The following NDUFC2 variants were observed in gnomAD, a reference collection of about 807,000 sequenced individuals.
NDUFC2 encodes the protein NADH dehydrogenase [ubiquinone] 1 subunit C2.
Under a neutral mutation model 10.1 loss-of-function variants are expected in NDUFC2, and 2 were observed. That is an observed-to-expected ratio of 0.20 (90% CI 0.08 to 0.62). The LOEUF is 0.62. Among genes scored for constraint, NDUFC2 ranks in the 20% least tolerant of loss-of-function variants. NDUFC2 has a pLI of 0.87. For synonymous variants in NDUFC2, 61 were observed against 63.6 expected, an observed-to-expected ratio of 0.96 and a Z score of 0.20; for missense variants, 156 against 159.6, an observed-to-expected ratio of 0.98 and a Z score of 0.12.
At chr11:78,072,306 T>C (rs573627890) in intron 2 of NDUFC2, among the ~76,000 whole-genome samples, 15 of 152,206 alleles carry the variant, frequency 9.9e-5, no homozygotes, top group Non-Finnish European at 2.2e-4. Context: ...GCCTCCCAAG[T>C]AGCTGGGCTT....
At chr11:78,078,728 C>CATTTTTTTTTTTTTTTTTT (rs1859357363) in intron 1 of NDUFC2, among the ~76,000 whole-genome samples, 1 of 61,642 alleles carries the variant, frequency 1.6e-5, no homozygotes, top group African/African-American at 6.2e-5. Flanking sequence ...TCAGGATCCG[C>CATTTTTTTTTTTTTTTTTT]TTTTTTTTTT....
chr11:78,073,029 C>A lies in NDUFC2; in HGVS notation c.279G>T (p.Met93Ile), dbSNP rs779247745. Residue 93 changes from methionine to isoleucine, a missense_variant, in exon 2 of 3, where the codon ATG (methionine) becomes ATT (isoleucine). Coordinates refer to ENST00000281031, the MANE Select transcript of NDUFC2 (RefSeq NM_004549.6). Reference protein sequence around the residue: ...AVRDREMFGYMKLHPEDFPEE... With the variant: ...AVRDREMFGYIKLHPEDFPEE... ...CAGGAAAATCCTCTGGATGTAATTT[C>A]ATATATCCAAACATTTCACGGTCCC... is the stretch of plus-strand genomic sequence containing the variant. The A allele has an allele frequency of 1.2e-5, 20 of 1,613,478 alleles. No individual in the cohort carries two copies. The highest frequency in any genetic ancestry group is 1.6e-5 in the Non-Finnish European group (19 of 1,179,934).
intron 1 of NDUFC2, among the ~76,000 whole-genome samples, chr11:78,074,621 A>G (rs571583090): frequency 7.9e-5 from 12 of 152,278 alleles, no homozygotes; most frequent in African/African-American, 2.9e-4. Flanking sequence ...TCAAAAAAAA[A>G]AACAAAAAAA....
chr11:78,073,445 T>C (rs879667615), intron 1 of NDUFC2, among the ~76,000 whole-genome samples: 22 of 151,906 alleles, frequency 1.4e-4, no homozygotes, highest in Admixed American at 5.9e-4. Flanking sequence ...TAAGCTGATA[T>C]TGCGCCATTG....
chr11:78,070,581 T>G (rs113188821), intron 2 of NDUFC2, among the ~76,000 whole-genome samples: 10,651 of 152,282 alleles, frequency 0.07, 1,221 homozygotes, highest in African/African-American at 0.24. Context: ...TTCTTGTCCT[T>G]GACTATGGCT....
rs774888505 is a variant in NDUFC2, at chr11:78,070,055, T to A, written c.311-19A>T. ...TTCTTATCTATAAAAGGAAAGATCA[T>A]AAAAGATTTATTTTAAAAATATGTT... On this transcript the variant is annotated intron_variant, in intron 2 of 2. Transcript: ENST00000281031. 6.8e-7 allele frequency: 1 copy of A among 1,463,192 alleles called. No individual in the cohort carries two copies. The highest frequency in any genetic ancestry group is 1.2e-5 in the South Asian group (1 of 81,332). 90.6% of individuals were successfully genotyped at this position (1,463,192 alleles called of 1,614,324 possible). A position where few individuals can be genotyped will look rare whatever the true frequency, so the allele number is the denominator to read the frequency against.
At chr11:78,079,234 C>A (rs1488577302) in intron 1 of NDUFC2, among the ~76,000 whole-genome samples, 1 of 152,028 alleles carries the variant, frequency 6.6e-6, no homozygotes, top group East Asian at 1.9e-4. Flanking sequence ...TGTTTTAAGG[C>A]CGAAATGCTA....
In NDUFC2 at chr11:78,069,744, ACT is replaced by A; in HGVS notation, c.*241_*242del. 1.2e-6 allele frequency: 1 copy of A among 845,886 alleles called. No individual in the cohort carries two copies. Among genetic ancestry groups the A allele is most frequent in the South Asian group, 1.8e-5 (1 of 56,832 alleles). The allele number at this position is 845,886 out of a possible 1,614,324, so 52.4% of individuals were successfully genotyped here. A position where few individuals can be genotyped will look rare whatever the true frequency, so the allele number is the denominator to read the frequency against. On this transcript the variant is annotated 3_prime_UTR_variant, in exon 3 of 3. Coordinates refer to ENST00000281031, the MANE Select transcript of NDUFC2 (RefSeq NM_004549.6). The stretch of plus-strand genomic sequence containing the variant: ...TGGGCCAGATTTGGGTAGTCTGCTA[ACT>A]CTAAACTAGAATTCAACCTCATCTT...
At chr11:78,074,666 A>G (rs1229922315) in intron 1 of NDUFC2, among the ~76,000 whole-genome samples, 5 of 152,214 alleles carry the variant, frequency 3.3e-5, no homozygotes, top group Admixed American at 3.3e-4. Flanking sequence ...AGTAGCATAT[A>G]AAACAAGACA....
At chr11:78,070,839 G>C (rs1332148013) in intron 2 of NDUFC2, among the ~76,000 whole-genome samples, 1 of 152,200 alleles carries the variant, frequency 6.6e-6, no homozygotes, top group African/African-American at 2.4e-5. Context: ...CTAATCTGCA[G>C]CTCAGAAAGA....
At chr11:78,073,707 CAGG>C (rs1859117475) in intron 1 of NDUFC2, among the ~76,000 whole-genome samples, 1 of 143,152 alleles carries the variant, frequency 7.0e-6, no homozygotes. Flanking sequence ...GTGGCTGAGG[CAGG>C]AGAATTGTTA....
chr11:78,072,418 T>C (rs1301688841), intron 2 of NDUFC2, among the ~76,000 whole-genome samples: 2 of 152,218 alleles, frequency 1.3e-5, no homozygotes, highest in Admixed American at 6.5e-5. Context: ...CCTCAGGTGA[T>C]CTGCCCCGCT....
chr11:78,071,227 A>C (rs1293022149), intron 2 of NDUFC2, among the ~76,000 whole-genome samples: 1 of 150,426 alleles, frequency 6.6e-6, no homozygotes, highest in Non-Finnish European at 1.5e-5. Flanking sequence ...TAAATGTTTT[A>C]TATCACGCAT....
In NDUFC2 at chr11:78,069,995, T is replaced by C. The variant is rs1376062127; in HGVS notation, c.352A>G (p.Ile118Val). Residue 118 changes from isoleucine (I) to valine (V), a missense_variant, in exon 3 of 3, where the codon ATA (isoleucine) becomes GTA (valine). Transcript: ENST00000281031. ...YGEIFEKFHP[I>V]R ...CAAGCATTTTGAAGACTTCAACGTA[T>C]TGGATGGAATTTTTCAAAAATTTCA... 1 of 1,608,666 alleles carries C rather than the reference T, an allele frequency of 6.2e-7. No individual in the cohort carries two copies. The highest frequency in any genetic ancestry group is 8.5e-7 in the Non-Finnish European group (1 of 1,177,136).
chr11:78,069,978 T>C lies in NDUFC2; in HGVS notation c.*9A>G, dbSNP rs1477023283. On this transcript the variant is annotated 3_prime_UTR_variant, in exon 3 of 3. Coordinates refer to ENST00000281031, the MANE Select transcript of NDUFC2 (RefSeq NM_004549.6). ...TATCAGTGAAACTGGAGCAAGCATTTTGAAGACTTCAACGTATTGGATGGA... is the reference window on the plus strand; with the variant it reads ...TATCAGTGAAACTGGAGCAAGCATTCTGAAGACTTCAACGTATTGGATGGA... 2 of 1,612,244 alleles carry C rather than the reference T, an allele frequency of 1.2e-6. No homozygotes were observed. Among genetic ancestry groups the C allele is most frequent in the Admixed American group, 1.7e-5 (1 of 59,932 alleles).
Position 78,079,822 on chromosome 11 carries a change from T to C in NDUFC2, c.-78A>G, listed in dbSNP as rs1242503886. ...AACCACGACGACCACTACCCCGGCCTAAGCGGTCAGCTTTCTCCTCCTCCT... is the reference window on the plus strand; with the variant it reads ...AACCACGACGACCACTACCCCGGCCCAAGCGGTCAGCTTTCTCCTCCTCCT... On this transcript the variant is annotated 5_prime_UTR_variant, in exon 1 of 3. Transcript: ENST00000281031. 1.0e-5 allele frequency: 15 copies of C among 1,493,854 alleles called. No homozygotes were observed. The highest frequency in any genetic ancestry group is 1.2e-5 in the Non-Finnish European group (14 of 1,121,550). 92.5% of individuals were successfully genotyped at this position (1,493,854 alleles called of 1,614,324 possible).
At chr11:78,071,679 T>G (rs1318651879) in intron 2 of NDUFC2, among the ~76,000 whole-genome samples, 1 of 152,184 alleles carries the variant, frequency 6.6e-6, no homozygotes, top group Non-Finnish European at 1.5e-5. Flanking sequence ...ATATTACAAC[T>G]ATTAATAGAT....
intron 2 of NDUFC2, among the ~76,000 whole-genome samples, chr11:78,072,324 C>T (rs1859046533): frequency 6.6e-6 from 1 of 152,182 alleles, no homozygotes; most frequent in Non-Finnish European, 1.5e-5. Flanking sequence ...CTTACAGGCA[C>T]CCGCCATCAT....
chr11:78,073,297 G>GTT (rs1436836885), intron 1 of NDUFC2, among the ~76,000 whole-genome samples, 156 bp from the exon 2 acceptor site: 1 of 151,740 alleles, frequency 6.6e-6, no homozygotes, highest in Admixed American at 6.6e-5. Context: ...TTCGAGACCA[G>GTT]CCTGGCCAAC....
Sources: gnomAD v4.1 joint callset for allele counts (sites outside exome capture counted in the v4.1 genomes callset) on GRCh38, gnomAD v4.1.1 for gene constraint, MANE v1.5 for transcripts, NCBI Gene and HGNC (gene_info 2026-07-23, HGNC 2026-07-21) for gene names.